Variants in C2orf76 observed in about 807,000 individuals in gnomAD.
C2orf76 encodes UPF0538 protein C2orf76.
In C2orf76, 23 loss-of-function variants were observed where a neutral mutation model predicts 16.9. That is an observed-to-expected ratio of 1.36 (90% CI 0.98 to 1.93). The LOEUF is 1.93. Among genes scored for constraint, C2orf76 ranks in the 30% most tolerant of loss-of-function variants. The pLI is 0.00. For synonymous variants in C2orf76, 48 were observed against 52.3 expected (o/e 0.92, Z 0.35); for missense variants, 152 against 152.6 (o/e 1.00, Z 0.02).
intron 2 of C2orf76, among the ~76,000 whole-genome samples, chr2:119,333,957 T>C (rs1452013900): frequency 2.0e-5 from 3 of 152,060 alleles, no homozygotes; most frequent in Admixed American, 1.3e-4. Flanking sequence ...TTCTCTGTTC[T>C]TTTTTTCTTT....
chr2:119,357,683 T>C lies in C2orf76; in HGVS notation c.-13+9107A>G, dbSNP rs551959404. ...CCCTAAGATCAGGAACAAGGAAAAATAGCCATTCTCACCATTCTTATTCAA... is the reference window on the plus strand; with the variant it reads ...CCCTAAGATCAGGAACAAGGAAAAACAGCCATTCTCACCATTCTTATTCAA... On this transcript the variant is annotated intron_variant, in intron 1 of 5. Transcript: ENST00000334816. Among the ~76,000 whole-genome samples, 5 of 144,046 alleles carry C rather than the reference T, an allele frequency of 3.5e-5. No individual in the cohort carries two copies. In the East Asian group the frequency reaches 6.1e-4, roughly 18 times the overall value. The allele number at this position is 144,046 out of a possible 152,430, so 94.5% of individuals were successfully genotyped here. A position where few individuals can be genotyped will look rare whatever the true frequency, so the allele number is the denominator to read the frequency against.
intron 4 of C2orf76, among the ~76,000 whole-genome samples, chr2:119,313,359 A>C (rs1328528452): frequency 2.0e-5 from 3 of 152,174 alleles, no homozygotes; most frequent in Admixed American, 6.5e-5. Flanking sequence ...AGGCCAAGGC[A>C]AGAGGACTGT....
chr2:119,302,750 C>T (rs1351240030), intron 5 of C2orf76, among the ~76,000 whole-genome samples: 1 of 151,918 alleles, frequency 6.6e-6, no homozygotes, highest in East Asian at 1.9e-4. Flanking sequence ...AGAATCAAAA[C>T]CTCAAATGAT....
At chr2:119,298,077 G>C (rs1413659596), downstream of C2orf76, among the ~76,000 whole-genome samples, 1 of 152,184 alleles carries the variant, frequency 6.6e-6, no homozygotes, top group Non-Finnish European at 1.5e-5. Flanking sequence ...CTGAGTAGCT[G>C]AAACTATAGG....
At chr2:119,339,737 C>T (rs1487109537) in intron 2 of C2orf76, 90 bp downstream of exon 2, 5 of 1,388,328 alleles carry the variant, frequency 3.6e-6, no homozygotes, top group Middle Eastern at 2.1e-4. Context: ...TTTCAAAGTA[C>T]TTTAGGATTT....
intron 1 of C2orf76, among the ~76,000 whole-genome samples, chr2:119,356,195 G>C (rs1680565565): frequency 6.6e-6 from 1 of 152,120 alleles, no homozygotes; most frequent in Admixed American, 6.5e-5. Context: ...TTGAGGTCAG[G>C]AGTTCCAGAC....
intron 1 of C2orf76, among the ~76,000 whole-genome samples, chr2:119,349,239 G>T (rs939766643): frequency 6.6e-6 from 1 of 152,118 alleles, no homozygotes; most frequent in African/African-American, 2.4e-5. Context: ...CAGTATACTT[G>T]TATTTTCACT....
rs76445214 is a variant in C2orf76, at chr2:119,306,736, C to T, written c.305-4188G>A. 5.1e-3 allele frequency among the ~76,000 whole-genome samples: 769 copies of T among 152,110 alleles called. 6 individuals carry two copies. Among genetic ancestry groups the T allele is most frequent in the South Asian group, 0.041 (198 of 4,810 alleles). ...TCTAGGTAAAAGTCTCTTCTTGCTT[C>T]TACTGATCAAATCTTTTTGAAGTAC... On this transcript the variant is annotated intron_variant, in intron 5 of 5. Coordinates refer to ENST00000334816, the MANE Select transcript of C2orf76 (RefSeq NM_001322331.2).
chr2:119,353,205 G>A (rs1157674953), intron 1 of C2orf76, among the ~76,000 whole-genome samples: 1 of 152,084 alleles, frequency 6.6e-6, no homozygotes, highest in African/African-American at 2.4e-5. Context: ...ATGTGGGGGA[G>A]CCTAAATTAT....
At chr2:119,298,426 A>G (rs1029291102), downstream of C2orf76, among the ~76,000 whole-genome samples, 1 of 151,522 alleles carries the variant, frequency 6.6e-6, no homozygotes, top group African/African-American at 2.4e-5. Context: ...TCCATATTCT[A>G]TTCCATTGAT....
chr2:119,309,002 G>A (rs760340526), intron 5 of C2orf76, among the ~76,000 whole-genome samples: 10 of 152,148 alleles, frequency 6.6e-5, no homozygotes, highest in Non-Finnish European at 1.3e-4. Flanking sequence ...TGCTGTCCAA[G>A]GTCACCCAGA....
chr2:119,330,056 G>A (rs1310781034), intron 2 of C2orf76, among the ~76,000 whole-genome samples: 2 of 151,966 alleles, frequency 1.3e-5, no homozygotes, highest in South Asian at 2.1e-4. Flanking sequence ...CTTCATGTTG[G>A]CTTCATTCCT....
At chr2:119,353,973 A>G (rs1392515305) in intron 1 of C2orf76, among the ~76,000 whole-genome samples, 1 of 152,200 alleles carries the variant, frequency 6.6e-6, no homozygotes, top group Non-Finnish European at 1.5e-5. Flanking sequence ...CTGGCGTTCT[A>G]TGGTTAACAG....
At chr2:119,327,099 G>A (rs1295619666) in intron 2 of C2orf76, among the ~76,000 whole-genome samples, 1 of 152,108 alleles carries the variant, frequency 6.6e-6, no homozygotes, top group Non-Finnish European at 1.5e-5. Context: ...ATGTTGAATA[G>A]CAGTGATGAT....
chr2:119,353,806 G>A (rs1039004977), intron 1 of C2orf76, among the ~76,000 whole-genome samples: 7 of 151,890 alleles, frequency 4.6e-5, no homozygotes, highest in African/African-American at 1.2e-4. Flanking sequence ...TAGGTGATCC[G>A]CCCGCCTCAA....
intron 3 of C2orf76, among the ~76,000 whole-genome samples, chr2:119,318,535 T>C (rs1423999483): frequency 6.6e-6 from 1 of 150,656 alleles, no homozygotes; most frequent in African/African-American, 2.4e-5. Flanking sequence ...TATTGCAATT[T>C]TTTTTTTTTT....
chr2:119,290,667 T>A, the C2orf76 span, among the ~76,000 whole-genome samples: 1 of 151,890 alleles, frequency 6.6e-6, no homozygotes, highest in Non-Finnish European at 1.5e-5. Flanking sequence ...CTGTCTCTAC[T>A]AAAAATACAA....
intron 5 of C2orf76, among the ~76,000 whole-genome samples, chr2:119,309,585 A>G (rs1240992530): frequency 1.3e-5 from 2 of 151,144 alleles, no homozygotes; most frequent in Non-Finnish European, 1.5e-5. Flanking sequence ...ACACCTGGCT[A>G]ATTTTTGTAT....
intron 2 of C2orf76, among the ~76,000 whole-genome samples, chr2:119,325,042 T>C (rs566083368): frequency 6.6e-6 from 1 of 151,436 alleles, no homozygotes; most frequent in East Asian, 1.9e-4. Flanking sequence ...TTTAGCTTTC[T>C]AAGAAATTGG....
Sources: allele counts gnomAD v4.1 joint callset (sites outside exome capture counted in the v4.1 genomes callset), GRCh38; gene constraint gnomAD v4.1.1; transcripts MANE v1.5; gene names NCBI Gene and HGNC (gene_info 2026-07-23, HGNC 2026-07-21).